Variants in IGHMBP2 observed in about 807,000 individuals in gnomAD.
The protein encoded by IGHMBP2 is DNA-binding protein SMUBP-2.
IGHMBP2 carries 81 observed loss-of-function variants against 96.0 expected under a neutral mutation model. That is an observed-to-expected ratio of 0.84 (90% confidence interval 0.71 to 1.01). The LOEUF is 1.01. IGHMBP2 is among the 50% of genes least tolerant of loss of function. The pLI, the probability that IGHMBP2 is intolerant of heterozygous loss-of-function variation, is 0.00. For missense variants in IGHMBP2, 1,227 were observed against 1,306.3 expected (o/e 0.94, Z 0.94); for synonymous variants, 557 against 548.9 (o/e 1.01, Z -0.21).
In IGHMBP2 at chr11:68,936,868, A is replaced by G. The variant is rs1339628463; in HGVS notation, c.2388A>G (p.Pro796=). ...APRPRAALGP[P]AGTGGPAPLQ... ...GACCCCGAGCAGCCCTGGGACCCCC[A>G]GCAGGGACCGGTGGCCCAGCCCCTC... Residue 796 remains proline (P), a synonymous_variant, in exon 13 of 15, where the codon CCA becomes CCG. Transcript: ENST00000255078. The G allele has an allele frequency of 1.2e-6, 2 of 1,612,304 alleles. No homozygotes were observed. Among genetic ancestry groups the G allele is most frequent in the Non-Finnish European group, 8.5e-7 (1 of 1,179,682 alleles).
chr11:68,939,657 CAG>C lies in IGHMBP2; in HGVS notation c.2911_2912del (p.Arg971GlufsTer4), dbSNP rs724159994. ...SLDPAKRAQL[Q>X]RRLDKKLSEL... ...GGACCCAGCCAAGAGGGCCCAGCTG[CAG>C]AGGAGGCTGGATAAGAAGCTGAGTG... On this transcript the variant is annotated frameshift_variant, in exon 15 of 15. Transcript: ENST00000255078. LOFTEE classifies it high-confidence loss of function. 232 of 1,613,246 alleles carry C rather than the reference CAG, an allele frequency of 1.4e-4. No individual in the cohort carries two copies. The highest frequency in any genetic ancestry group is 1.8e-4 in the Non-Finnish European group (218 of 1,179,894).
intron 7 of IGHMBP2, 138 bp from the exon 8 acceptor site, chr11:68,929,045 A>G: frequency 1.2e-6 from 1 of 859,882 alleles, no homozygotes; most frequent in Non-Finnish European, 1.9e-6. Flanking sequence ...AGTTTTTATT[A>G]CAAGATACAA....
chr11:68,908,394 A>G, intron 3 of IGHMBP2, 57 bp downstream of exon 3: 1 of 1,540,500 alleles, frequency 6.5e-7, no homozygotes, highest in South Asian at 1.1e-5. Flanking sequence ...CAGCTAATCC[A>G]TTCTTACATG....
chr11:68,936,675 T>C lies in IGHMBP2; in HGVS notation c.2195T>C (p.Met732Thr). 1 of 1,613,982 alleles carries C rather than the reference T, an allele frequency of 6.2e-7. No individual in the cohort carries two copies. Among genetic ancestry groups the C allele is most frequent in the Non-Finnish European group, 8.5e-7 (1 of 1,180,020 alleles). ...GATGGCGTGGACCACTTCCGGGCCA[T>C]GATAGTGGAGTTCATGGCCAGCAAG... is the stretch of plus-strand genomic sequence containing the variant. ...SQDGVDHFRAMIVEFMASKKM... is the reference protein window; with the variant it reads ...SQDGVDHFRATIVEFMASKKM... The change falls in exon 13 of 15, where the codon ATG (methionine) becomes ACG (threonine). Residue 732 changes from methionine to threonine, a missense_variant. Physicochemically the swap from Met to Thr is moderately conservative, Grantham distance 81 (BLOSUM62 -1). This residue lies in a region of IGHMBP2 where 703 missense variants were observed against 770.3 expected (regional missense o/e 0.91). Coordinates refer to ENST00000255078, the MANE Select transcript of IGHMBP2 (RefSeq NM_002180.3).
rs574657241 is a variant in IGHMBP2, at chr11:68,929,478, C to T, written c.1235+121C>T. 15 of 911,938 alleles carry T rather than the reference C, an allele frequency of 1.6e-5. No homozygotes were observed. The South Asian group carries it at 2.0e-4, about 12-fold the overall frequency. The allele number at this position is 911,938 out of a possible 1,614,324, so 56.5% of individuals were successfully genotyped here. On this transcript the variant is annotated intron_variant, in intron 8 of 14. Transcript: ENST00000255078. ...GCGGTGCCTCCTCGGTTTCTCGGCA[C>T]AGCTCCTACCCCGTCTTACAGCATT...
chr11:68,917,661 A>G, intron 6 of IGHMBP2, 75 bp from the exon 7 acceptor site: 1 of 1,188,956 alleles, frequency 8.4e-7, no homozygotes, highest in Non-Finnish European at 1.3e-6. Context: ...GAATGATAGA[A>G]GCACTTCATA....
intron 5 of IGHMBP2, among the ~76,000 whole-genome samples, chr11:68,912,180 G>A (rs1221726627): frequency 6.6e-6 from 1 of 152,152 alleles, no homozygotes; most frequent in East Asian, 1.9e-4. Context: ...GCTAGAGTCT[G>A]GAGTGCAGGG....
At chr11:68,910,291 A>G (rs1183799918) in intron 4 of IGHMBP2, among the ~76,000 whole-genome samples, 3 of 152,218 alleles carry the variant, frequency 2.0e-5, no homozygotes, top group Admixed American at 2.0e-4. Flanking sequence ...TCTATGAAAT[A>G]TTTACTGAAG....
chr11:68,923,492 G>T (rs762784435), intron 7 of IGHMBP2, among the ~76,000 whole-genome samples: 4 of 152,068 alleles, frequency 2.6e-5, no homozygotes, highest in Admixed American at 6.6e-5. Flanking sequence ...GAGCCACCAC[G>T]CCCAGTCTCC....
At chr11:68,928,701 C>T (rs867931146) in intron 7 of IGHMBP2, among the ~76,000 whole-genome samples, 85 of 152,292 alleles carry the variant, frequency 5.6e-4, no homozygotes, top group African/African-American at 1.6e-3. Context: ...ACAGCCTGAA[C>T]GCTGCACTCT....
rs781462762 is a variant in IGHMBP2 at position 68,935,442 on chromosome 11, G to A, written c.1756+20G>A. On this transcript the variant is annotated intron_variant, in intron 12 of 14. Transcript: ENST00000255078. The stretch of plus-strand genomic sequence containing the variant: ...GGAAAGGTACGGAGCCCTCGCCAGA[G>A]TCCTTTGGGGACAGCACAGAAGTGA... 1 of 1,613,560 alleles carries A rather than the reference G, an allele frequency of 6.2e-7. No homozygotes were observed. Among genetic ancestry groups the A allele is most frequent in the East Asian group, 2.2e-5 (1 of 44,902 alleles).
intron 7 of IGHMBP2, among the ~76,000 whole-genome samples, chr11:68,922,690 G>A (rs983441873): frequency 4.6e-5 from 7 of 152,086 alleles, no homozygotes; most frequent in Admixed American, 2.0e-4. Flanking sequence ...CACCGCACCC[G>A]GCCTCATGTT....
chr11:68,907,392 T>C (rs925019249), intron 2 of IGHMBP2, among the ~76,000 whole-genome samples: 24 of 152,196 alleles, frequency 1.6e-4, no homozygotes, highest in Non-Finnish European at 3.1e-4. Context: ...GTGCCAAGCA[T>C]GCTTTGGCTA....
chr11:68,916,975 C>CA, intron 6 of IGHMBP2, among the ~76,000 whole-genome samples: 1 of 103,352 alleles, frequency 9.7e-6, no homozygotes, highest in South Asian at 4.2e-4. Flanking sequence ...AAGGTTACAT[C>CA]TTTTTTTTTT....
intron 7 of IGHMBP2, chr11:68,926,502 C>G (rs372503366): frequency 5.3e-5 from 8 of 152,202 alleles, no homozygotes; most frequent in Admixed American, 2.0e-4. Context: ...ATCTCTTGAC[C>G]TCATGATCTG....
At chr11:68,906,912 G>A (rs966341732) in intron 2 of IGHMBP2, among the ~76,000 whole-genome samples, 5 of 151,860 alleles carry the variant, frequency 3.3e-5, no homozygotes, top group Non-Finnish European at 5.9e-5. Context: ...AAAGTGCTGG[G>A]ATTACAGGTG....
intron 2 of IGHMBP2, chr11:68,906,468 T>A (rs553304855): frequency 5.4e-5 from 31 of 570,150 alleles, no homozygotes; most frequent in African/African-American, 3.7e-4. Flanking sequence ...AAGTGTGGCT[T>A]GTAATTGCCG....
intron 4 of IGHMBP2, among the ~76,000 whole-genome samples, chr11:68,910,053 T>C (rs1858370156): frequency 6.6e-6 from 1 of 152,220 alleles, no homozygotes; most frequent in South Asian, 2.1e-4. Flanking sequence ...GGCCCATTTG[T>C]AAAGCGGTGG....
intron 7 of IGHMBP2, among the ~76,000 whole-genome samples, chr11:68,920,441 C>T (rs1194142488): frequency 6.6e-6 from 1 of 152,192 alleles, no homozygotes; most frequent in Admixed American, 6.5e-5. Flanking sequence ...TATCTTTATC[C>T]TTTTTCTTAG....
Sources: gnomAD v4.1 joint callset for allele counts (sites outside exome capture counted in the v4.1 genomes callset) on GRCh38, gnomAD v4.1.1 for gene constraint, gnomAD v4.1.1 regional missense constraint, MANE v1.5 for transcripts, NCBI Gene and HGNC (gene_info 2026-07-23, HGNC 2026-07-21) for gene names.